LPAR1: variants seen among roughly 807,000 people sequenced by gnomAD.
LPAR1 encodes the protein LPA receptor 1.
Under a neutral mutation model 23.8 loss-of-function variants are expected in LPAR1, and 5 were observed. The ratio of observed to expected loss-of-function variants is 0.21; its 90% CI spans 0.11 to 0.44. The LOEUF is 0.44. LPAR1 is among the 20% of genes least tolerant of loss of function. LPAR1 has a pLI of 0.99. For synonymous variants in LPAR1, 160 were observed against 164.7 expected, an observed-to-expected ratio of 0.97 and a Z score of 0.22; for missense variants, 311 against 482.8, an observed-to-expected ratio of 0.64 and a Z score of 3.33.
rs147111278 is a variant in LPAR1, at chr9:110,901,786, G to A, written c.794-26064C>T. On this transcript the variant is annotated intron_variant, in intron 5 of 5. Coordinates refer to ENST00000683809, the MANE Select transcript of LPAR1 (RefSeq NM_001351411.2). ...GAGAGGGCAGGTAGACTGCATTTCA[G>A]TTTTGTTTACAGGGAACTATGAAAG... Among the ~76,000 whole-genome samples the A allele has an allele frequency of 1.6e-3, 241 of 152,226 alleles. 2 individuals are homozygous for A. Among genetic ancestry groups the A allele is most frequent in the Non-Finnish European group, 3.1e-3 (208 of 68,012 alleles).
At chr9:110,916,039 G>A (rs1337094040) in intron 5 of LPAR1, among the ~76,000 whole-genome samples, 1 of 152,090 alleles carries the variant, frequency 6.6e-6, no homozygotes, top group African/African-American at 2.4e-5. Flanking sequence ...AAATTTAAAG[G>A]ATAAGGGAAA....
chr9:110,940,693 G>A (rs1318779882), intron 5 of LPAR1, among the ~76,000 whole-genome samples: 1 of 152,138 alleles, frequency 6.6e-6, no homozygotes, highest in African/African-American at 2.4e-5. Flanking sequence ...AACATAGTAG[G>A]TGCTCTTTAA....
chr9:110,908,510 A>G (rs776249712), intron 5 of LPAR1, among the ~76,000 whole-genome samples: 2 of 152,120 alleles, frequency 1.3e-5, no homozygotes, highest in Non-Finnish European at 2.9e-5. Context: ...GGGAAATATA[A>G]AGCAGAATAA....
intron 4 of LPAR1, among the ~76,000 whole-genome samples, chr9:110,968,219 T>A (rs1349950286): frequency 3.3e-5 from 5 of 152,310 alleles, no homozygotes; most frequent in Admixed American, 2.6e-4. Context: ...TTATGCTAAT[T>A]CTAGCACTTG....
At chr9:111,026,195 T>G (rs959326491) in intron 2 of LPAR1, among the ~76,000 whole-genome samples, 2 of 152,116 alleles carry the variant, frequency 1.3e-5, no homozygotes, top group Non-Finnish European at 2.9e-5. Flanking sequence ...TGTCGTCTCT[T>G]GTTTCCTTGA....
intron 5 of LPAR1, among the ~76,000 whole-genome samples, chr9:110,895,016 T>C (rs2085836435): frequency 6.6e-6 from 1 of 152,146 alleles, no homozygotes; most frequent in Admixed American, 6.6e-5. Flanking sequence ...AGACCTAGTC[T>C]TAAAAAATAA....
At position 110,971,734 on chromosome 9, in the gene LPAR1, C is replaced by T. The variant is rs562021005; in HGVS notation, c.45+339G>A. ...TTTCATTAAACCCCACCCCACCCCCCGGCCCACAAAAAAGCCAAGAGAGGA... is the reference window on the plus strand; with the variant it reads ...TTTCATTAAACCCCACCCCACCCCCTGGCCCACAAAAAAGCCAAGAGAGGA... On this transcript the variant is annotated intron_variant, in intron 4 of 5. Coordinates refer to ENST00000683809, the MANE Select transcript of LPAR1 (RefSeq NM_001351411.2). Among the ~76,000 whole-genome samples the T allele has an allele frequency of 2.9e-4, 44 of 149,390 alleles. 1 individual carries two copies. Among genetic ancestry groups the T allele is most frequent in the Admixed American group, 6.7e-4 (10 of 14,866 alleles).
intron 2 of LPAR1, among the ~76,000 whole-genome samples, chr9:111,019,689 CA>C (rs1330420452): frequency 1.3e-5 from 2 of 151,270 alleles, no homozygotes; most frequent in Non-Finnish European, 3.0e-5. Context: ...AAAAAACATA[CA>C]AAAAATTAGC....
At chr9:110,973,883 G>A (rs186022344) in intron 2 of LPAR1, among the ~76,000 whole-genome samples, 66 of 152,224 alleles carry the variant, frequency 4.3e-4, no homozygotes, top group African/African-American at 1.3e-3. Flanking sequence ...TTCAAAAGAC[G>A]TTATTGGCTG....
intron 5 of LPAR1, among the ~76,000 whole-genome samples, chr9:110,928,752 G>A (rs2094208797): frequency 1.3e-5 from 2 of 152,100 alleles, no homozygotes; most frequent in Non-Finnish European, 2.9e-5. Flanking sequence ...AGTACCACGT[G>A]CTTGGCAAGG....
chr9:110,875,875 T>C (rs2078978044), intron 5 of LPAR1, among the ~76,000 whole-genome samples, 153 bp from the exon 6 acceptor site: 1 of 152,218 alleles, frequency 6.6e-6, no homozygotes, highest in South Asian at 2.1e-4. Flanking sequence ...ACTCATTTCC[T>C]GAGAAAATCA....
chr9:110,942,454 A>G (rs2095171057), intron 4 of LPAR1, among the ~76,000 whole-genome samples: 1 of 152,236 alleles, frequency 6.6e-6, no homozygotes, highest in Admixed American at 6.5e-5. Flanking sequence ...TGGCCAAGAA[A>G]TCTTGCTTAA....
chr9:110,904,090 G>T (rs2090371085), intron 5 of LPAR1, among the ~76,000 whole-genome samples: 1 of 152,054 alleles, frequency 6.6e-6, no homozygotes, highest in African/African-American at 2.4e-5. Context: ...AGAATGAAGG[G>T]AATATAGAAA....
At chr9:111,012,360 C>G (rs1350193423) in intron 2 of LPAR1, among the ~76,000 whole-genome samples, 1 of 152,164 alleles carries the variant, frequency 6.6e-6, no homozygotes. Flanking sequence ...ATACACATCT[C>G]TGGCATTTCT....
chr9:110,962,285 T>C (rs767827460), intron 4 of LPAR1, among the ~76,000 whole-genome samples: 2 of 152,214 alleles, frequency 1.3e-5, no homozygotes, highest in Non-Finnish European at 2.9e-5. Flanking sequence ...ACCTGTGCCA[T>C]TGAGCTGGGA....
chr9:110,928,248 C>T (rs148505565), intron 5 of LPAR1, among the ~76,000 whole-genome samples: 100 of 152,202 alleles, frequency 6.6e-4, no homozygotes, highest in African/African-American at 2.3e-3. Context: ...CATTTCAATG[C>T]TTTTTAAATT....
intron 5 of LPAR1, among the ~76,000 whole-genome samples, chr9:110,917,828 T>A (rs1367489450): frequency 1.3e-5 from 2 of 152,314 alleles, no homozygotes; most frequent in East Asian, 3.9e-4. Context: ...AGATTTCTTT[T>A]TCCCTTTCCC....
rs73655647 is a variant in LPAR1 at position 110,878,738 on chromosome 9, C to A, written c.794-3016G>T. Among the ~76,000 whole-genome samples, 1,231 of 152,286 alleles carry A rather than the reference C, an allele frequency of 8.1e-3. 26 individuals are homozygous for A. Among genetic ancestry groups the A allele is most frequent in the African/African-American group, 0.028 (1,166 of 41,548 alleles). ...TATAAACTGTGCATCTACCTGACCA[C>A]CATGACTTACGTGAGTGGCACGCTG... On this transcript the variant is annotated intron_variant, in intron 5 of 5. Transcript: ENST00000683809.
intron 4 of LPAR1, among the ~76,000 whole-genome samples, chr9:110,944,605 G>A (rs1335196785): frequency 1.3e-5 from 2 of 152,084 alleles, no homozygotes; most frequent in African/African-American, 4.8e-5. Context: ...GTTAAGCAGA[G>A]ATATATGCAG....
Sources: allele counts gnomAD v4.1 joint callset (sites outside exome capture counted in the v4.1 genomes callset), GRCh38; gene constraint gnomAD v4.1.1; transcripts MANE v1.5; gene names NCBI Gene and HGNC (gene_info 2026-07-23, HGNC 2026-07-21).